The following OPA3 variants were observed in gnomAD, a reference collection of about 807,000 sequenced individuals.
The protein encoded by OPA3 is outer mitochondrial membrane lipid metabolism regulator OPA3.
A neutral mutation model predicts 4.0 loss-of-function variants in OPA3; 6 were observed. That is an observed-to-expected ratio of 1.51 (90% CI 0.83 to 2.99). The LOEUF (loss-of-function observed/expected upper bound fraction) is 2.99, where lower values mean the gene tolerates loss of function less well. OPA3 is among the 30% of genes most tolerant of loss of function. OPA3 has a pLI of 0.00. For missense variants in OPA3, 235 were observed against 256.2 expected, an observed-to-expected ratio of 0.92 and a Z score of 0.56; for synonymous variants, 105 against 117.1, an observed-to-expected ratio of 0.90 and a Z score of 0.67.
chr19:45,528,570 C>A, exon 2 of OPA3: 2 of 164,016 alleles, frequency 1.2e-5, no homozygotes, highest in Non-Finnish European at 2.6e-5. Context: ...ATGGTCTGTA[C>A]CAATGAGGAG....
chr19:45,546,494 C>A lies in OPA3; in HGVS notation c.*7020G>T. 1.7e-6 allele frequency: 1 copy of A among 595,266 alleles called. No individual in the cohort carries two copies. The highest frequency in any genetic ancestry group is 2.1e-6 in the Non-Finnish European group (1 of 475,006). 36.9% of individuals were successfully genotyped at this position (595,266 alleles called of 1,614,324 possible). On this transcript the variant is annotated 3_prime_UTR_variant, in exon 2 of 2. Transcript: ENST00000263275. ...ATATGCACACGATGGATTACATAAACTCTGCTTTTTTTTTTTTTTGAGACA... is the reference window on the plus strand; with the variant it reads ...ATATGCACACGATGGATTACATAAAATCTGCTTTTTTTTTTTTTTGAGACA...
exon 2 of OPA3, chr19:45,528,811 G>A: frequency 4.2e-6 from 2 of 471,922 alleles, no homozygotes; most frequent in Middle Eastern, 5.4e-4. Flanking sequence ...GGCGGGGTGG[G>A]ATAGGGCGGG....
downstream of OPA3, among the ~76,000 whole-genome samples, chr19:45,542,320 T>TTAATGACAGGGACACA (rs1969194581): frequency 1.3e-5 from 2 of 152,216 alleles, no homozygotes; most frequent in Admixed American, 1.3e-4. Flanking sequence ...CGTGCACTGC[T>TTAATGACAGGGACACA]TAATGACAGG....
intron 1 of OPA3, among the ~76,000 whole-genome samples, chr19:45,583,078 G>A (rs1210388003): frequency 6.6e-6 from 1 of 152,092 alleles, no homozygotes; most frequent in African/African-American, 2.4e-5. Context: ...TGCAAAGGCG[G>A]TTTCAGTGGT....
At chr19:45,555,513 TG>T (rs911927827) in intron 1 of OPA3, among the ~76,000 whole-genome samples, 8 of 147,554 alleles carry the variant, frequency 5.4e-5, no homozygotes, top group African/African-American at 1.8e-4. Flanking sequence ...TTTTTTGAGA[TG>T]GAGTCACACT....
downstream of OPA3, among the ~76,000 whole-genome samples, chr19:45,544,854 A>G (rs945996572): frequency 1.3e-5 from 2 of 151,100 alleles, no homozygotes; most frequent in Admixed American, 6.6e-5. Flanking sequence ...ATGGTGGCCC[A>G]TGCCTGTAAT....
chr19:45,537,063 C>T (rs1381109395), intron 1 of OPA3, among the ~76,000 whole-genome samples: 2 of 152,132 alleles, frequency 1.3e-5, no homozygotes, highest in Admixed American at 1.3e-4. Flanking sequence ...AACCCCATCT[C>T]TACAAAAAAT....
intron 1 of OPA3, among the ~76,000 whole-genome samples, chr19:45,530,292 T>G (rs536175955): frequency 2.6e-4 from 40 of 152,098 alleles, no homozygotes; most frequent in Non-Finnish European, 4.9e-4. Context: ...AGGCAGAGGC[T>G]GCAGTGAGCC....
chr19:45,554,963 C>T (rs991542250), intron 1 of OPA3, among the ~76,000 whole-genome samples: 9 of 151,740 alleles, frequency 5.9e-5, no homozygotes, highest in African/African-American at 1.9e-4. Context: ...TCTAATTTTT[C>T]GTATTTTTAG....
Position 45,547,382 on chromosome 19 carries a change from G to A in OPA3, c.*6132C>T, listed in dbSNP as rs1416602324. On this transcript the variant is annotated 3_prime_UTR_variant, in exon 2 of 2. Coordinates refer to ENST00000263275, the MANE Select transcript of OPA3 (RefSeq NM_025136.4). ...AAGCAACTGTGGAAAATATGCAAACGAATGAGCGCCTGGGTTCCAATAAGT... is the reference window on the plus strand; with the variant it reads ...AAGCAACTGTGGAAAATATGCAAACAAATGAGCGCCTGGGTTCCAATAAGT... 2 of 152,174 alleles carry A rather than the reference G, an allele frequency of 1.3e-5. No individual in the cohort carries two copies. Among genetic ancestry groups the A allele is most frequent in the African/African-American group, 2.4e-5 (1 of 41,434 alleles). 9.4% of individuals were successfully genotyped at this position (152,174 alleles called of 1,614,324 possible). A position where few individuals can be genotyped will look rare whatever the true frequency, so the allele number is the denominator to read the frequency against.
At chr19:45,562,494 G>A (rs893139564) in intron 1 of OPA3, among the ~76,000 whole-genome samples, 11 of 151,446 alleles carry the variant, frequency 7.3e-5, no homozygotes, top group Non-Finnish European at 1.2e-4. Flanking sequence ...TTCAAGACCA[G>A]TCTGGCCAAC....
At chr19:45,570,978 T>G (rs1969654639) in intron 1 of OPA3, among the ~76,000 whole-genome samples, 4 of 66,214 alleles carry the variant, frequency 6.0e-5, no homozygotes, top group Non-Finnish European at 1.3e-4. Context: ...CAAAACTATT[T>G]GGGGGGGGGG....
chr19:45,541,887 G>T (rs1024175870), downstream of OPA3, among the ~76,000 whole-genome samples: 2 of 152,142 alleles, frequency 1.3e-5, no homozygotes, highest in Non-Finnish European at 2.9e-5. Context: ...CTTGGGGAAG[G>T]CTTCAAGGAT....
rs144382886 is a variant in OPA3, at chr19:45,553,860, C to A, written c.194G>T (p.Gly65Val). 6.2e-7 allele frequency: 1 copy of A among 1,611,608 alleles called. No individual in the cohort carries two copies. ...RTKMRIMGFR[G>V]TVIKPLNEEA... ...CTCGTTCAGCGGCTTGATGACCGTGCCCCGGAAGCCCATGATGCGCATCTT... is the reference window on the plus strand; with the variant it reads ...CTCGTTCAGCGGCTTGATGACCGTGACCCGGAAGCCCATGATGCGCATCTT... The change falls in exon 2 of 2, where the codon GGC (glycine) becomes GTC (valine). Residue 65 changes from glycine (G) to valine (V), a missense_variant. Coordinates refer to ENST00000263275, the MANE Select transcript of OPA3 (RefSeq NM_025136.4).
intron 1 of OPA3, among the ~76,000 whole-genome samples, chr19:45,583,396 C>T (rs1399098618): frequency 6.6e-6 from 1 of 152,186 alleles, no homozygotes; most frequent in Non-Finnish European, 1.5e-5. Context: ...TCGTGATCTG[C>T]CCACCTCGGC....
chr19:45,579,186 T>C (rs1969810347), intron 1 of OPA3, among the ~76,000 whole-genome samples: 2 of 152,064 alleles, frequency 1.3e-5, no homozygotes, highest in African/African-American at 2.4e-5. Flanking sequence ...CCCTGATTTT[T>C]TTCCTAGAGC....
At chr19:45,529,463 GAA>G in intron 1 of OPA3, 1 of 1,611,812 alleles carries the variant, frequency 6.2e-7, no homozygotes, top group Non-Finnish European at 8.5e-7. Context: ...TACACTGCAG[GAA>G]AAGACAGGAG....
At position 45,548,924 on chromosome 19, in the gene OPA3, C is replaced by T. The variant is rs1969291631; in HGVS notation, c.*4590G>A. ...GTCCAAGAGATTCTCCTGCCTCAGC[C>T]TCCCGAGTAGGTGGGATTACAGGTG... On this transcript the variant is annotated 3_prime_UTR_variant, in exon 2 of 2. Coordinates refer to ENST00000263275, the MANE Select transcript of OPA3 (RefSeq NM_025136.4). 4 of 322,730 alleles carry T rather than the reference C, an allele frequency of 1.2e-5. No individual in the cohort carries two copies. The highest frequency in any genetic ancestry group is 6.8e-5 in the African/African-American group (3 of 44,346). 20.0% of individuals were successfully genotyped at this position (322,730 alleles called of 1,614,324 possible).
chr19:45,558,722 GT>G (rs573234842), intron 1 of OPA3, among the ~76,000 whole-genome samples: 52 of 146,522 alleles, frequency 3.5e-4, no homozygotes, highest in African/African-American at 6.0e-4. Flanking sequence ...ATGTTCTGCT[GT>G]TTTTTTTTTT....
Sources: gnomAD v4.1 joint callset for allele counts (sites outside exome capture counted in the v4.1 genomes callset) on GRCh38, gnomAD v4.1.1 for gene constraint, MANE v1.5 for transcripts, NCBI Gene and HGNC (gene_info 2026-07-23, HGNC 2026-07-21) for gene names.